Variants in NXPE2 observed in about 807,000 individuals in gnomAD.
NXPE2 encodes the protein neurexophilin and PC-esterase domain family member 2.
A neutral mutation model predicts 34.4 loss-of-function variants in NXPE2; 34 were observed. The observed-to-expected ratio is 0.99, with a 90% CI of 0.75 to 1.31. The LOEUF (loss-of-function observed/expected upper bound fraction) is 1.31, where lower values mean the gene tolerates loss of function less well. Ranked by LOEUF, NXPE2 falls within the 40% of genes most tolerant of loss-of-function variation. NXPE2 has a pLI of 0.00. For synonymous variants in NXPE2, 235 were observed against 231.3 expected (o/e 1.02, Z -0.15); for missense variants, 649 against 672.5 (o/e 0.97, Z 0.39).
At chr11:114,582,573 A>C in the NXPE2 span, 2 of 1,614,184 alleles carry the variant, frequency 1.2e-6, no homozygotes, top group Non-Finnish European at 8.5e-7. Context: ...ACTGGGGTGG[A>C]TGAGCAGCAG....
the NXPE2 span, among the ~76,000 whole-genome samples, chr11:114,634,560 T>C: frequency 3.9e-5 from 6 of 151,958 alleles, no homozygotes; most frequent in African/African-American, 1.4e-4. Context: ...CTGAATGGTA[T>C]TGCCTAGGTT....
chr11:114,744,626 A>G, the NXPE2 span, among the ~76,000 whole-genome samples: 9 of 152,192 alleles, frequency 5.9e-5, no homozygotes, highest in Admixed American at 3.3e-4. Context: ...CCTGGGAAGC[A>G]TGGTGAAATC....
the NXPE2 span, among the ~76,000 whole-genome samples, chr11:114,471,821 GCC>G: frequency 6.6e-6 from 1 of 152,192 alleles, no homozygotes; most frequent in East Asian, 1.9e-4. Context: ...GGGGCATGAT[GCC>G]TTTGAGGAAA....
the NXPE2 span, among the ~76,000 whole-genome samples, chr11:114,811,541 C>T: frequency 5.9e-5 from 9 of 152,150 alleles, no homozygotes; most frequent in South Asian, 4.2e-4. Context: ...GCAAAATAGA[C>T]GGAACGAGGC....
chr11:114,733,786 C>T, the NXPE2 span, among the ~76,000 whole-genome samples: 2 of 152,166 alleles, frequency 1.3e-5, no homozygotes, highest in African/African-American at 4.8e-5. Context: ...GTCTTTCTAA[C>T]CCCCTACATC....
chr11:114,471,000 T>G, the NXPE2 span, among the ~76,000 whole-genome samples: 1 of 152,262 alleles, frequency 6.6e-6, no homozygotes, highest in Non-Finnish European at 1.5e-5. Flanking sequence ...GTTTGTTTTC[T>G]TACTGAATTT....
At chr11:114,611,300 T>C in the NXPE2 span, among the ~76,000 whole-genome samples, 1 of 151,360 alleles carries the variant, frequency 6.6e-6, no homozygotes. Context: ...TGTTGCCTCA[T>C]GGGTAATCAC....
the NXPE2 span, among the ~76,000 whole-genome samples, chr11:114,492,166 AAAAT>A: frequency 1.1e-4 from 16 of 152,192 alleles, no homozygotes; most frequent in Non-Finnish European, 1.9e-4. Flanking sequence ...TAATAATAAT[AAAAT>A]AAATAAAATA....
chr11:114,760,459 G>T, the NXPE2 span, among the ~76,000 whole-genome samples: 2 of 152,160 alleles, frequency 1.3e-5, no homozygotes, highest in Non-Finnish European at 2.9e-5. Context: ...AGGGTTACAG[G>T]TAAAACAACA....
rs5794927 is a variant in NXPE2, at chr11:114,679,247, C to CGT, written c.27-393_27-392dup. 2.1e-3 allele frequency among the ~76,000 whole-genome samples: 280 copies of CGT among 136,056 alleles called. 2 individuals are homozygous for CGT. The highest frequency in any genetic ancestry group is 9.2e-3 in the South Asian group (37 of 4,020). 89.3% of individuals were successfully genotyped at this position (136,056 alleles called of 152,430 possible). On this transcript the variant is annotated intron_variant, in intron 1 of 5. Transcript: ENST00000389586. ...GAGGGTACCAGACAACATGTGTGTG[C>CGT]GTGTGTGTGTGTGTGTGTATCAGAG...
the NXPE2 span, among the ~76,000 whole-genome samples, chr11:114,775,024 T>TG: frequency 3.7e-4 from 56 of 152,352 alleles, no homozygotes; most frequent in African/African-American, 1.3e-3. Context: ...GTCCTACAGC[T>TG]GGGGGGATGA....
At chr11:114,692,775 A>C (rs563765614) in intron 2 of NXPE2, among the ~76,000 whole-genome samples, 4 of 152,172 alleles carry the variant, frequency 2.6e-5, no homozygotes, top group Non-Finnish European at 5.9e-5. Context: ...TTTATTCAAA[A>C]TATGACTATC....
chr11:114,508,036 TC>T, the NXPE2 span, among the ~76,000 whole-genome samples: 1 of 152,126 alleles, frequency 6.6e-6, no homozygotes, highest in South Asian at 2.1e-4. Flanking sequence ...TAAAAGAACT[TC>T]AGCAAAGTCT....
the NXPE2 span, among the ~76,000 whole-genome samples, chr11:114,664,400 T>A: frequency 2.6e-5 from 4 of 152,246 alleles, no homozygotes; most frequent in African/African-American, 9.6e-5. Context: ...TTATTCTCTA[T>A]CTTGATTGTG....
chr11:114,747,463 T>C, the NXPE2 span, among the ~76,000 whole-genome samples: 31,744 of 152,156 alleles, frequency 0.21, 3,810 homozygotes, highest in East Asian at 0.37. Context: ...TCCAGTTTTA[T>C]ATTGCTATAA....
chr11:114,708,931 T>C (rs1273542293), downstream of NXPE2, among the ~76,000 whole-genome samples: 1 of 152,244 alleles, frequency 6.6e-6, no homozygotes. Context: ...TCTCTTCACA[T>C]GCACTGAAGT....
the NXPE2 span, among the ~76,000 whole-genome samples, chr11:114,666,584 C>A: frequency 6.6e-6 from 1 of 151,998 alleles, no homozygotes; most frequent in East Asian, 1.9e-4. Flanking sequence ...AGTTAAGAGA[C>A]CTGTTCTATC....
chr11:114,599,632 G>A, the NXPE2 span, among the ~76,000 whole-genome samples: 100 of 152,300 alleles, frequency 6.6e-4, no homozygotes, highest in African/African-American at 2.3e-3. Flanking sequence ...GAAGGCCTCA[G>A]GGAGCTTTTA....
chr11:114,662,392 T>G, the NXPE2 span, among the ~76,000 whole-genome samples: 1 of 152,144 alleles, frequency 6.6e-6, no homozygotes, highest in Non-Finnish European at 1.5e-5. Flanking sequence ...TGTTGGAACT[T>G]GAGTTCCCAC....
Sources: allele counts gnomAD v4.1 joint callset (sites outside exome capture counted in the v4.1 genomes callset), GRCh38; gene constraint gnomAD v4.1.1; transcripts MANE v1.5; gene names NCBI Gene and HGNC (gene_info 2026-07-23, HGNC 2026-07-21).